Variants in RBFOX1 observed in about 807,000 individuals in gnomAD.
The protein encoded by RBFOX1 is RNA binding fox-1 homolog 1.
A neutral mutation model predicts 57.7 loss-of-function variants in RBFOX1; 8 were observed. The ratio of observed to expected loss-of-function variants is 0.14; its 90% CI spans 0.08 to 0.25. The LOEUF is 0.25. RBFOX1 is among the 10% of genes least tolerant of loss of function. The pLI is 1.00. For missense variants in RBFOX1, 611 were observed against 548.5 expected, an observed-to-expected ratio of 1.11 and a Z score of -1.14; for synonymous variants, 326 against 222.4, an observed-to-expected ratio of 1.47 and a Z score of -4.15.
intron 4 of RBFOX1, among the ~76,000 whole-genome samples, chr16:7,334,177 T>G (rs922057486): frequency 3.9e-5 from 6 of 152,168 alleles, no homozygotes; most frequent in Admixed American, 1.3e-4. Context: ...CCTGGGTGAT[T>G]AGAGTCATCT....
chr16:5,300,509 GATA>G (rs1222090013), intron 1 of RBFOX1, among the ~76,000 whole-genome samples: 2 of 152,032 alleles, frequency 1.3e-5, no homozygotes, highest in African/African-American at 4.8e-5. Flanking sequence ...AACCAGCTGA[GATA>G]ATAATAATGA....
intron 2 of RBFOX1, among the ~76,000 whole-genome samples, chr16:6,567,498 AG>A (rs2097283640): frequency 6.6e-6 from 1 of 152,194 alleles, no homozygotes; most frequent in Non-Finnish European, 1.5e-5. Context: ...CCAGCCACAG[AG>A]ACAGTCACCC....
Position 5,497,890 on chromosome 16 carries a change from C to G in RBFOX1, c.258+30636C>G, listed in dbSNP as rs186185102. Among the ~76,000 whole-genome samples, 23 of 152,232 alleles carry G rather than the reference C, an allele frequency of 1.5e-4. No homozygotes were observed. The East Asian group carries it at 4.3e-3, about 28-fold the overall frequency. The stretch of plus-strand genomic sequence containing the variant: ...AGGATGCTTTAGGTAGTTTGTCCCT[C>G]TGAGGAGGTGGCTTTGGAGTGGACG... On this transcript the variant is annotated intron_variant, in intron 2 of 2. Coordinates refer to the RBFOX1 transcript ENST00000585867.
chr16:5,298,172 AG>A (rs2063714379), intron 1 of RBFOX1, among the ~76,000 whole-genome samples: 1 of 152,352 alleles, frequency 6.6e-6, no homozygotes, highest in East Asian at 1.9e-4. Flanking sequence ...TGATGGTTTA[AG>A]AAAATTTGGA....
chr16:5,646,872 A>G (rs1021341541), intron 3 of RBFOX1, among the ~76,000 whole-genome samples: 6 of 152,010 alleles, frequency 3.9e-5, no homozygotes, highest in Non-Finnish European at 5.9e-5. Flanking sequence ...TGACCTCATG[A>G]TCTGCCTGCC....
At chr16:5,329,362 G>A (rs750886746) in intron 1 of RBFOX1, among the ~76,000 whole-genome samples, 1 of 152,164 alleles carries the variant, frequency 6.6e-6, no homozygotes, top group Non-Finnish European at 1.5e-5. Flanking sequence ...CAGAGCAGGA[G>A]GAGAGGAGAA....
At chr16:6,499,120 A>T (rs1205967115) in intron 2 of RBFOX1, among the ~76,000 whole-genome samples, 1 of 152,174 alleles carries the variant, frequency 6.6e-6, no homozygotes, top group South Asian at 2.1e-4. Context: ...AAAAGAAATT[A>T]TCAGCCAGGC....
intron 4 of RBFOX1, among the ~76,000 whole-genome samples, chr16:7,112,699 T>TGTGTGTGG (rs1567305164): frequency 2.0e-5 from 3 of 146,918 alleles, no homozygotes; most frequent in African/African-American, 7.6e-5. Flanking sequence ...TGTCTCTCTG[T>TGTGTGTGG]CTGTCTGTCC....
At chr16:7,703,666 A>G (rs998538005) in intron 14 of RBFOX1, among the ~76,000 whole-genome samples, 1 of 152,202 alleles carries the variant, frequency 6.6e-6, no homozygotes, top group Non-Finnish European at 1.5e-5. Flanking sequence ...AAGTAGGTGT[A>G]CATAGTACTT....
At chr16:5,754,276 A>C (rs1382186248) in intron 3 of RBFOX1, among the ~76,000 whole-genome samples, 1 of 151,478 alleles carries the variant, frequency 6.6e-6, no homozygotes, top group Admixed American at 6.5e-5. Flanking sequence ...GGGAGGATTA[A>C]TTGTGTTAAT....
chr16:6,124,486 A>G (rs1034046979), intron 1 of RBFOX1, among the ~76,000 whole-genome samples: 2 of 152,086 alleles, frequency 1.3e-5, no homozygotes, highest in African/African-American at 2.4e-5. Context: ...GTAGCTGGAA[A>G]GCCCATTGTT....
At chr16:6,036,268 T>G (rs572385135) in intron 1 of RBFOX1, among the ~76,000 whole-genome samples, 12 of 152,320 alleles carry the variant, frequency 7.9e-5, no homozygotes, top group African/African-American at 2.9e-4. Flanking sequence ...ATCCAAGATT[T>G]CCAGAAGTAA....
chr16:7,457,316 G>C (rs1308985149), intron 4 of RBFOX1, among the ~76,000 whole-genome samples: 1 of 152,158 alleles, frequency 6.6e-6, no homozygotes, highest in East Asian at 1.9e-4. Context: ...TCTGTGTCCT[G>C]GGTGCTGGGC....
chr16:6,624,200 C>T (rs1046187159), intron 2 of RBFOX1, among the ~76,000 whole-genome samples: 1 of 152,184 alleles, frequency 6.6e-6, no homozygotes, highest in Non-Finnish European at 1.5e-5. Context: ...TATTTAAGCA[C>T]ATGGTTACTG....
At chr16:7,381,871 C>G (rs1172723412) in intron 4 of RBFOX1, among the ~76,000 whole-genome samples, 2 of 152,150 alleles carry the variant, frequency 1.3e-5, no homozygotes, top group Non-Finnish European at 2.9e-5. Context: ...TTGGTGGCAT[C>G]TCTAGCCTCT....
intron 1 of RBFOX1, among the ~76,000 whole-genome samples, chr16:6,189,085 T>C (rs1036785804): frequency 1.3e-5 from 2 of 152,224 alleles, no homozygotes; most frequent in Non-Finnish European, 2.9e-5. Flanking sequence ...AGATGACCTC[T>C]GAAAATTACC....
intron 3 of RBFOX1, among the ~76,000 whole-genome samples, chr16:6,666,910 C>T (rs11864450): frequency 0.061 from 9,276 of 152,208 alleles, 323 homozygotes; most frequent in African/African-American, 0.067. Context: ...CATCAAAATG[C>T]TCACGGTTCC....
chr16:7,253,629 T>A (rs2094569122), intron 4 of RBFOX1, among the ~76,000 whole-genome samples: 1 of 152,218 alleles, frequency 6.6e-6, no homozygotes, highest in Admixed American at 6.5e-5. Flanking sequence ...GTTCAGCTCA[T>A]TTCTACATGA....
At chr16:6,107,198 C>A (rs749089201) in intron 1 of RBFOX1, among the ~76,000 whole-genome samples, 4 of 151,910 alleles carry the variant, frequency 2.6e-5, no homozygotes, top group Non-Finnish European at 5.9e-5. Context: ...TTCTGGGTCC[C>A]CATCTGTGGC....
Sources: allele counts gnomAD v4.1 joint callset (sites outside exome capture counted in the v4.1 genomes callset), GRCh38; gene constraint gnomAD v4.1.1; transcripts MANE v1.5; gene names NCBI Gene and HGNC (gene_info 2026-07-23, HGNC 2026-07-21).